GRID2: variants seen among roughly 807,000 people sequenced by gnomAD.
GRID2 encodes glutamate ionotropic receptor delta type subunit 2.
In GRID2, 33 loss-of-function variants were observed where a neutral mutation model predicts 114.8. That is an observed-to-expected ratio of 0.29 (90% CI 0.22 to 0.38). GRID2 has a LOEUF of 0.38. Ranked by LOEUF, GRID2 falls within the 10% of genes least tolerant of loss-of-function variation. The pLI is 1.00. For missense variants in GRID2, 1,184 were observed against 1,257.7 expected (o/e 0.94, Z 0.89); for synonymous variants, 505 against 449.9 (o/e 1.12, Z -1.55).
chr4:93,394,587 G>C (rs553221869), intron 8 of GRID2, among the ~76,000 whole-genome samples: 1 of 151,934 alleles, frequency 6.6e-6, no homozygotes, highest in African/African-American at 2.4e-5. Flanking sequence ...ACAATCATCA[G>C]GAGGAAACAG....
intron 2 of GRID2, among the ~76,000 whole-genome samples, chr4:92,712,886 G>C (rs1269457342): frequency 1.3e-5 from 2 of 152,054 alleles, no homozygotes; most frequent in African/African-American, 4.8e-5. Flanking sequence ...TCTAGCTACT[G>C]TATGTAACTC....
At chr4:93,353,745 T>C (rs567043755) in intron 8 of GRID2, among the ~76,000 whole-genome samples, 2 of 152,028 alleles carry the variant, frequency 1.3e-5, no homozygotes, top group South Asian at 2.1e-4. Context: ...ACAAGAAAGA[T>C]AATAAAAAGA....
chr4:92,512,934 C>T (rs1724328366), intron 1 of GRID2, among the ~76,000 whole-genome samples: 1 of 151,782 alleles, frequency 6.6e-6, no homozygotes, highest in Non-Finnish European at 1.5e-5. Context: ...AAAGTTTTAA[C>T]TTACTTTGAA....
At chr4:92,382,082 C>G (rs1245922330) in intron 1 of GRID2, among the ~76,000 whole-genome samples, 1 of 151,378 alleles carries the variant, frequency 6.6e-6, no homozygotes, top group Non-Finnish European at 1.5e-5. Flanking sequence ...GTAGATATGT[C>G]CACATGTTAG....
At chr4:93,082,750 C>T (rs1007339174) in intron 2 of GRID2, among the ~76,000 whole-genome samples, 1 of 152,068 alleles carries the variant, frequency 6.6e-6, no homozygotes, top group African/African-American at 2.4e-5. Context: ...ATGAATAGCA[C>T]GATAGGCAAT....
intron 8 of GRID2, among the ~76,000 whole-genome samples, chr4:93,377,398 G>A (rs1362097846): frequency 6.6e-6 from 1 of 152,086 alleles, no homozygotes; most frequent in Non-Finnish European, 1.5e-5. Context: ...AGTTTTCCTT[G>A]TAAGGTTAAT....
chr4:93,447,880 G>T (rs1333425887), intron 10 of GRID2, among the ~76,000 whole-genome samples: 22 of 151,810 alleles, frequency 1.4e-4, no homozygotes, highest in Admixed American at 1.4e-3. Flanking sequence ...CTTATTAAGT[G>T]ATAATTGAAT....
chr4:92,980,366 TA>T (rs545686547), intron 2 of GRID2, among the ~76,000 whole-genome samples: 13 of 152,208 alleles, frequency 8.5e-5, no homozygotes, highest in Admixed American at 7.2e-4. Flanking sequence ...TATAATATTT[TA>T]CCTTAAAAAT....
intron 1 of GRID2, among the ~76,000 whole-genome samples, chr4:92,491,355 G>T (rs1723137848): frequency 6.6e-6 from 1 of 152,076 alleles, no homozygotes; most frequent in African/African-American, 2.4e-5. Flanking sequence ...CCTGTTTTGT[G>T]CTGGATATTG....
At chr4:93,388,900 A>C (rs1052789653) in intron 8 of GRID2, among the ~76,000 whole-genome samples, 1 of 152,166 alleles carries the variant, frequency 6.6e-6, no homozygotes, top group Non-Finnish European at 1.5e-5. Flanking sequence ...TAGTAGGGAT[A>C]GATAGTGAGC....
intron 2 of GRID2, among the ~76,000 whole-genome samples, chr4:92,812,649 AT>A (rs1740715867): frequency 6.6e-6 from 1 of 152,144 alleles, no homozygotes; most frequent in Admixed American, 6.6e-5. Flanking sequence ...GCTGAATTAT[AT>A]ATAGTGATGA....
chr4:92,588,385 T>A (rs968737270), intron 1 of GRID2, among the ~76,000 whole-genome samples: 1 of 152,014 alleles, frequency 6.6e-6, no homozygotes, highest in Non-Finnish European at 1.5e-5. Flanking sequence ...ATGTCAATTT[T>A]AAAAATTCTG....
chr4:92,612,103 T>C (rs1453726995), intron 2 of GRID2, among the ~76,000 whole-genome samples: 4 of 151,574 alleles, frequency 2.6e-5, no homozygotes, highest in Non-Finnish European at 5.9e-5. Context: ...AATGCCTATA[T>C]TTAACTTTTA....
intron 2 of GRID2, among the ~76,000 whole-genome samples, chr4:92,826,041 T>C (rs568191606): frequency 4.6e-5 from 7 of 152,250 alleles, no homozygotes; most frequent in Non-Finnish European, 7.4e-5. Flanking sequence ...TGGCATCTTG[T>C]CACCCTTCTG....
chr4:93,541,160 A>C (rs1014216611), intron 13 of GRID2, among the ~76,000 whole-genome samples: 1 of 152,176 alleles, frequency 6.6e-6, no homozygotes, highest in African/African-American at 2.4e-5. Flanking sequence ...AGATTTTAAA[A>C]GGCAGAAGGA....
At chr4:93,261,381 C>T (rs1470896197) in intron 8 of GRID2, among the ~76,000 whole-genome samples, 1 of 151,784 alleles carries the variant, frequency 6.6e-6, no homozygotes, top group Non-Finnish European at 1.5e-5. Context: ...TGGGACAAGT[C>T]ATGTACACAA....
chr4:93,369,980 T>C (rs563210608), intron 8 of GRID2, among the ~76,000 whole-genome samples: 1 of 152,282 alleles, frequency 6.6e-6, no homozygotes, highest in South Asian at 2.1e-4. Context: ...CCAGTGCACA[T>C]TGTCCTCAAG....
chr4:93,614,506 G>A (rs1172011401), intron 13 of GRID2, among the ~76,000 whole-genome samples: 1 of 151,752 alleles, frequency 6.6e-6, no homozygotes, highest in Non-Finnish European at 1.5e-5. Context: ...AATTATATAT[G>A]TTTTATTACT....
chr4:93,541,116 A>C (rs1252655383), intron 13 of GRID2, among the ~76,000 whole-genome samples: 2 of 152,146 alleles, frequency 1.3e-5, no homozygotes, highest in Admixed American at 1.3e-4. Context: ...CACTATGGAG[A>C]AAACAGCCTA....
Sources: allele counts gnomAD v4.1 joint callset (sites outside exome capture counted in the v4.1 genomes callset), GRCh38; gene constraint gnomAD v4.1.1; transcripts MANE v1.5; gene names NCBI Gene and HGNC (gene_info 2026-07-23, HGNC 2026-07-21).